EPHA6: variants seen among roughly 807,000 people sequenced by gnomAD.
The protein encoded by EPHA6 is EPH receptor A6.
A neutral mutation model predicts 112.0 loss-of-function variants in EPHA6; 50 were observed. The observed-to-expected ratio is 0.45, with a 90% CI of 0.36 to 0.56. The LOEUF (loss-of-function observed/expected upper bound fraction) is 0.56, where lower values mean the gene tolerates loss of function less well. Ranked by LOEUF, EPHA6 falls within the 20% of genes least tolerant of loss-of-function variation. The pLI is 0.00. For synonymous variants in EPHA6, 529 were observed against 490.7 expected (o/e 1.08, Z -1.03); for missense variants, 1,280 against 1,417.4 (o/e 0.90, Z 1.56).
chr3:97,181,162 G>A (rs1236889961), intron 3 of EPHA6, among the ~76,000 whole-genome samples: 1 of 152,068 alleles, frequency 6.6e-6, no homozygotes, highest in Non-Finnish European at 1.5e-5. Flanking sequence ...ATAGCACTGA[G>A]TACATTGTCT....
chr3:96,968,044 T>G (rs557623076), intron 2 of EPHA6, among the ~76,000 whole-genome samples: 1 of 151,906 alleles, frequency 6.6e-6, no homozygotes, highest in Non-Finnish European at 1.5e-5. Context: ...TCTCTTCTCT[T>G]TATGACTCAT....
At chr3:96,820,505 T>A (rs1490795249) in intron 1 of EPHA6, among the ~76,000 whole-genome samples, 1 of 151,994 alleles carries the variant, frequency 6.6e-6, no homozygotes, top group East Asian at 1.9e-4. Context: ...TATGGGAACA[T>A]CTTGTCTTTA....
chr3:97,509,806 A>G (rs1464466619), intron 10 of EPHA6, among the ~76,000 whole-genome samples: 2 of 152,268 alleles, frequency 1.3e-5, no homozygotes, highest in East Asian at 3.9e-4. Context: ...CATTCTCCCC[A>G]TCACTTTCAG....
chr3:97,557,781 T>C (rs1284536201), intron 11 of EPHA6, among the ~76,000 whole-genome samples: 6 of 151,558 alleles, frequency 4.0e-5, no homozygotes, highest in Non-Finnish European at 7.4e-5. Context: ...TCTCCTGTGA[T>C]TTTAAGATAG....
At position 96,946,552 on chromosome 3, in the gene EPHA6, A is replaced by G. The variant is rs185967848; in HGVS notation, c.451-40778A>G. On this transcript the variant is annotated intron_variant, in intron 2 of 17. Coordinates refer to ENST00000389672, the MANE Select transcript of EPHA6 (RefSeq NM_001080448.3). Reference sequence around the variant, plus strand: ...GTATTCCATGGTGTATATGTGCCACATTTTCTTAATCCAGTCTATCACTAA... The same window carrying G: ...GTATTCCATGGTGTATATGTGCCACGTTTTCTTAATCCAGTCTATCACTAA... Among the ~76,000 whole-genome samples, 174 of 152,036 alleles carry G rather than the reference A, an allele frequency of 1.1e-3. 2 individuals carry two copies. The highest frequency in any genetic ancestry group is 4.0e-3 in the African/African-American group (164 of 41,452).
chr3:97,202,247 G>A (rs1012131647), intron 3 of EPHA6, among the ~76,000 whole-genome samples: 4 of 151,986 alleles, frequency 2.6e-5, no homozygotes, highest in Non-Finnish European at 4.4e-5. Flanking sequence ...AGAGCTACGA[G>A]GAAGATATTA....
chr3:96,815,161 C>A (rs942628377), intron 1 of EPHA6, among the ~76,000 whole-genome samples, 153 bp downstream of exon 1: 1 of 152,060 alleles, frequency 6.6e-6, no homozygotes, highest in Non-Finnish European at 1.5e-5. Flanking sequence ...CTTACCCTAG[C>A]GCCCTGTTTA....
rs1014192520 is a variant in EPHA6, at chr3:97,513,928, C to T, written c.2201-18430C>T. Among the ~76,000 whole-genome samples the T allele has an allele frequency of 5.3e-5, 8 of 152,036 alleles. No individual in the cohort carries two copies. The East Asian group carries it at 1.2e-3, about 22-fold the overall frequency. On this transcript the variant is annotated intron_variant, in intron 10 of 17. Transcript: ENST00000389672. ...CAGAAAATTACAGCTAAGAGAATGC[C>T]GTTAACAGAAGAATGCAAAAGAGAG... is the stretch of plus-strand genomic sequence containing the variant.
chr3:97,372,283 T>C (rs2085102411), intron 5 of EPHA6, among the ~76,000 whole-genome samples: 1 of 152,126 alleles, frequency 6.6e-6, no homozygotes, highest in South Asian at 2.1e-4. Flanking sequence ...TGGCTGACAC[T>C]TAGGGAAAAT....
At chr3:97,604,016 A>T (rs977647935) in intron 12 of EPHA6, among the ~76,000 whole-genome samples, 7 of 151,826 alleles carry the variant, frequency 4.6e-5, no homozygotes, top group African/African-American at 1.2e-4. Context: ...ATTAGCTGTT[A>T]TTGGGTGACT....
At chr3:97,628,808 T>A (rs147928038) in intron 13 of EPHA6, among the ~76,000 whole-genome samples, 90 of 152,206 alleles carry the variant, frequency 5.9e-4, no homozygotes, top group African/African-American at 2.1e-3. Flanking sequence ...AGCACACTTT[T>A]CTTGTAAATT....
chr3:96,815,568 G>C (rs1329477690), intron 1 of EPHA6, among the ~76,000 whole-genome samples: 1 of 152,144 alleles, frequency 6.6e-6, no homozygotes, highest in Non-Finnish European at 1.5e-5. Flanking sequence ...AGATGCTCCA[G>C]ATCTGTGTAG....
chr3:97,479,930 C>G (rs776049843), intron 9 of EPHA6, among the ~76,000 whole-genome samples: 7 of 152,138 alleles, frequency 4.6e-5, no homozygotes, highest in African/African-American at 7.2e-5. Flanking sequence ...TTCTCCTCCT[C>G]AACATCCACC....
chr3:97,282,488 A>T (rs1345142953), intron 5 of EPHA6, among the ~76,000 whole-genome samples: 3 of 152,236 alleles, frequency 2.0e-5, no homozygotes, highest in Non-Finnish European at 4.4e-5. Flanking sequence ...GTTACTGGGT[A>T]TATATCCAAA....
At chr3:97,177,915 T>C (rs1332431850) in intron 3 of EPHA6, among the ~76,000 whole-genome samples, 4 of 151,998 alleles carry the variant, frequency 2.6e-5, no homozygotes, top group African/African-American at 4.8e-5. Context: ...CCAGTCTGCA[T>C]CTTTTGTTTG....
intron 6 of EPHA6, among the ~76,000 whole-genome samples, chr3:97,430,775 C>A (rs1485593025): frequency 6.6e-6 from 1 of 152,028 alleles, no homozygotes; most frequent in Non-Finnish European, 1.5e-5. Context: ...TTAATGCTTT[C>A]AAAATGTCCT....
intron 14 of EPHA6, among the ~76,000 whole-genome samples, chr3:97,689,225 A>G (rs897784091): frequency 1.3e-5 from 2 of 152,220 alleles, no homozygotes; most frequent in African/African-American, 2.4e-5. Context: ...CGATGTTCAT[A>G]TTAGAGATCA....
chr3:97,049,342 C>A (rs1399981896), intron 3 of EPHA6, among the ~76,000 whole-genome samples: 1 of 152,124 alleles, frequency 6.6e-6, no homozygotes, highest in East Asian at 1.9e-4. Context: ...AGAAGAAGCA[C>A]CTGAGAACAG....
chr3:97,679,971 G>T (rs949651323), intron 14 of EPHA6, among the ~76,000 whole-genome samples: 1 of 152,144 alleles, frequency 6.6e-6, no homozygotes, highest in Non-Finnish European at 1.5e-5. Flanking sequence ...TTTGGGAAAT[G>T]CTGCTACACG....
Sources: gnomAD v4.1 joint callset for allele counts (sites outside exome capture counted in the v4.1 genomes callset) on GRCh38, gnomAD v4.1.1 for gene constraint, MANE v1.5 for transcripts, NCBI Gene and HGNC (gene_info 2026-07-23, HGNC 2026-07-21) for gene names.